CMC1: variants seen among roughly 807,000 people sequenced by gnomAD.
The protein encoded by CMC1 is C-X9-C motif containing 1.
A neutral mutation model predicts 14.1 loss-of-function variants in CMC1; 14 were observed. The observed-to-expected ratio is 0.99, with a 90% confidence interval of 0.66 to 1.55. The LOEUF is 1.55. CMC1 is among the 40% of genes most tolerant of loss of function. The probability of loss-of-function intolerance (pLI) is 0.00; values close to 1 mark genes in which losing one functional copy is unlikely to be tolerated. For synonymous variants in CMC1, 50 were observed against 38.4 expected (o/e 1.30, Z -1.12); for missense variants, 127 against 123.8 (o/e 1.03, Z -0.12).
intron 2 of CMC1, among the ~76,000 whole-genome samples, chr3:28,275,450 G>A (rs1700533208): frequency 6.6e-6 from 1 of 150,778 alleles, no homozygotes; most frequent in African/African-American, 2.4e-5. Flanking sequence ...GGTGTCACCA[G>A]TGGAGGTTTC....
chr3:28,256,180 C>T (rs1699395654), intron 1 of CMC1, among the ~76,000 whole-genome samples: 1 of 150,976 alleles, frequency 6.6e-6, no homozygotes. Context: ...TATATACACA[C>T]ATATGCATAT....
chr3:28,318,507 G>A (rs971636657), intron 3 of CMC1: 6 of 151,882 alleles, frequency 4.0e-5, no homozygotes, highest in Non-Finnish European at 8.8e-5. Context: ...ATCTGAGGAA[G>A]TTTAGTTTGC....
intron 2 of CMC1, among the ~76,000 whole-genome samples, chr3:28,276,517 TTTGAA>T (rs1700597491): frequency 6.6e-6 from 1 of 152,218 alleles, no homozygotes. Context: ...AGACATTAAC[TTTGAA>T]TTATTTTGCT....
intron 1 of CMC1, chr3:28,253,656 C>G (rs1205889508): frequency 2.6e-6 from 2 of 782,754 alleles, no homozygotes; most frequent in Non-Finnish European, 3.6e-6. Flanking sequence ...GAAGAGGGAT[C>G]CAAATATAGA....
chr3:28,299,535 G>A (rs1701915409), intron 2 of CMC1, among the ~76,000 whole-genome samples: 1 of 151,954 alleles, frequency 6.6e-6, no homozygotes, highest in Non-Finnish European at 1.5e-5. Flanking sequence ...CTCATTAAAT[G>A]CACCACTAAA....
Position 28,324,288 on chromosome 3 carries a change from T to C in CMC1, c.*4659T>C. 1 of 1,608,332 alleles carries C rather than the reference T, an allele frequency of 6.2e-7. No individual in the cohort carries two copies. The highest frequency in any genetic ancestry group is 8.5e-7 in the Non-Finnish European group (1 of 1,176,162). On this transcript the variant is annotated 3_prime_UTR_variant, in exon 4 of 4. Transcript: ENST00000466830. ...TCCATGATTGGAGGATTGCTTTCTC[T>C]GATAAAACCTTTACATCTCCTGGTA...
chr3:28,283,526 A>G (rs954728657), intron 2 of CMC1, among the ~76,000 whole-genome samples: 5 of 116,846 alleles, frequency 4.3e-5, no homozygotes, highest in South Asian at 2.5e-4. Context: ...CTCAACAGCA[A>G]CAACAACAAC....
intron 2 of CMC1, among the ~76,000 whole-genome samples, chr3:28,263,727 G>C (rs928437298): frequency 6.6e-6 from 1 of 151,976 alleles, no homozygotes; most frequent in African/African-American, 2.4e-5. Flanking sequence ...ACATATACCT[G>C]TTTCCCATCT....
chr3:28,295,483 A>C (rs1178820579), intron 2 of CMC1, among the ~76,000 whole-genome samples: 2 of 152,060 alleles, frequency 1.3e-5, no homozygotes, highest in African/African-American at 4.8e-5. Context: ...TTTCCCCAAA[A>C]ATCTCCTTAG....
At chr3:28,244,360 A>G (rs1463393774) in intron 1 of CMC1, among the ~76,000 whole-genome samples, 7 of 152,208 alleles carry the variant, frequency 4.6e-5, no homozygotes, top group Admixed American at 4.6e-4. Flanking sequence ...TAATAGACAG[A>G]TGGAAAGAAA....
chr3:28,317,384 C>T (rs911824096), intron 3 of CMC1: 1 of 151,572 alleles, frequency 6.6e-6, no homozygotes, highest in East Asian at 1.9e-4. Context: ...TATTTATGGT[C>T]CAGGTATTGT....
intron 3 of CMC1, 49 bp downstream of exon 3, chr3:28,316,472 TA>T: frequency 9.6e-7 from 1 of 1,040,638 alleles, no homozygotes; most frequent in Non-Finnish European, 1.4e-6. Context: ...TTGTGGTAGA[TA>T]AGAGTATGTT....
At chr3:28,267,180 A>G (rs1700046727) in intron 2 of CMC1, among the ~76,000 whole-genome samples, 1 of 152,100 alleles carries the variant, frequency 6.6e-6, no homozygotes, top group Non-Finnish European at 1.5e-5. Flanking sequence ...ATATTTAAAA[A>G]ATATTGTTTG....
At chr3:28,306,749 A>G (rs1212869340) in intron 2 of CMC1, among the ~76,000 whole-genome samples, 3 of 151,834 alleles carry the variant, frequency 2.0e-5, no homozygotes, top group East Asian at 1.9e-4. Context: ...GGTTCAAGCA[A>G]TTCTCCTGCC....
At chr3:28,304,446 C>G (rs1045715692) in intron 2 of CMC1, among the ~76,000 whole-genome samples, 1 of 151,984 alleles carries the variant, frequency 6.6e-6, no homozygotes, top group Non-Finnish European at 1.5e-5. Flanking sequence ...TTTAATGCAT[C>G]ACACATAAGA....
In CMC1 at chr3:28,241,623, T is replaced by G; in HGVS notation, c.-171T>G. 1 of 1,231,262 alleles carries G rather than the reference T, an allele frequency of 8.1e-7. No homozygotes were observed. Among genetic ancestry groups the G allele is most frequent in the Non-Finnish European group, 1.0e-6 (1 of 987,474 alleles). 76.3% of individuals were successfully genotyped at this position (1,231,262 alleles called of 1,614,324 possible). ...GCAACGGGCGGCGGAAGTAGGAGCCTGGGAAGGAAGAGGGAACGGGTCCTG... is the reference window on the plus strand; with the variant it reads ...GCAACGGGCGGCGGAAGTAGGAGCCGGGGAAGGAAGAGGGAACGGGTCCTG... On this transcript the variant is annotated 5_prime_UTR_variant, in exon 1 of 4. Coordinates refer to ENST00000466830, the MANE Select transcript of CMC1 (RefSeq NM_182523.2).
chr3:28,324,056 G>A lies in CMC1; in HGVS notation c.*4427G>A. 1 of 1,607,344 alleles carries A rather than the reference G, an allele frequency of 6.2e-7. No individual in the cohort carries two copies. Among genetic ancestry groups the A allele is most frequent in the African/African-American group, 1.3e-5 (1 of 74,538 alleles). On this transcript the variant is annotated 3_prime_UTR_variant, in exon 4 of 4. Coordinates refer to ENST00000466830, the MANE Select transcript of CMC1 (RefSeq NM_182523.2). Reference sequence around the variant, plus strand: ...TCTCTTCCAAATTAATTCTTATAAAGGCAGTTCTGATTATGTTGATCCAAG... The same window carrying A: ...TCTCTTCCAAATTAATTCTTATAAAAGCAGTTCTGATTATGTTGATCCAAG...
chr3:28,261,929 C>T (rs1386785115), intron 1 of CMC1, among the ~76,000 whole-genome samples: 1 of 152,148 alleles, frequency 6.6e-6, no homozygotes, highest in Non-Finnish European at 1.5e-5. Context: ...AGTGGACCCC[C>T]ACAGTTCAAA....
Position 28,271,177 on chromosome 3 carries a change from T to G in CMC1, c.109+7797T>G, listed in dbSNP as rs6796995. Among the ~76,000 whole-genome samples the G allele has an allele frequency of 1.0e-2, 1,518 of 152,262 alleles. 24 individuals carry two copies. The highest frequency in any genetic ancestry group is 0.034 in the African/African-American group (1,427 of 41,534). On this transcript the variant is annotated intron_variant, in intron 2 of 3. Transcript: ENST00000466830. The stretch of plus-strand genomic sequence containing the variant: ...GTGCAGTGGCATGATCTCAGCTCAC[T>G]GCAGCCTCTGCCTCCTGGGTTCCAG...
Sources: gnomAD v4.1 joint callset for allele counts (sites outside exome capture counted in the v4.1 genomes callset) on GRCh38, gnomAD v4.1.1 for gene constraint, MANE v1.5 for transcripts, NCBI Gene and HGNC (gene_info 2026-07-23, HGNC 2026-07-21) for gene names.